SORCS1: variants seen among roughly 807,000 people sequenced by gnomAD.
SORCS1 encodes the protein sortilin related VPS10 domain containing receptor 1.
Under a neutral mutation model 146.1 loss-of-function variants are expected in SORCS1, and 60 were observed. That is an observed-to-expected ratio of 0.41 (90% confidence interval 0.33 to 0.51). SORCS1 has a LOEUF of 0.51. Among genes scored for constraint, SORCS1 ranks in the 20% least tolerant of loss-of-function variants. SORCS1 has a pLI of 0.21. For synonymous variants in SORCS1, 637 were observed against 584.0 expected (o/e 1.09, Z -1.31); for missense variants, 1,352 against 1,487.6 (o/e 0.91, Z 1.50).
chr10:106,951,837 T>C (rs1410688600), intron 2 of SORCS1, among the ~76,000 whole-genome samples: 22 of 152,136 alleles, frequency 1.4e-4, no homozygotes, highest in Admixed American at 1.4e-3. Context: ...ATTTTTGGCA[T>C]AGGCAGGTTT....
chr10:106,931,238 G>A (rs1202219966), intron 2 of SORCS1, among the ~76,000 whole-genome samples: 6 of 152,082 alleles, frequency 3.9e-5, no homozygotes, highest in East Asian at 1.9e-4. Context: ...ATACTTTTTT[G>A]GCTGTTAATT....
At chr10:106,583,504 CGTTTT>C (rs200947485) in intron 24 of SORCS1, among the ~76,000 whole-genome samples, 2,886 of 152,048 alleles carry the variant, frequency 0.019, 38 homozygotes, top group Middle Eastern at 0.048. Flanking sequence ...GCAGTTTTTT[CGTTTT>C]GTTTTGTTTT....
intron 6 of SORCS1, among the ~76,000 whole-genome samples, chr10:106,716,625 T>C (rs1481467178): frequency 3.3e-5 from 5 of 152,204 alleles, no homozygotes; most frequent in Non-Finnish European, 5.9e-5. Context: ...TCTGCTGGCT[T>C]GAACAGCCTT....
chr10:106,720,973 C>G (rs1855740158), intron 6 of SORCS1, among the ~76,000 whole-genome samples: 1 of 151,816 alleles, frequency 6.6e-6, no homozygotes, highest in Non-Finnish European at 1.5e-5. Flanking sequence ...GTTGTTAGGG[C>G]TGTCTTCAGG....
intron 1 of SORCS1, among the ~76,000 whole-genome samples, chr10:107,126,043 T>C (rs775857889): frequency 2.0e-5 from 3 of 152,206 alleles, no homozygotes; most frequent in Non-Finnish European, 4.4e-5. Context: ...TAAATACTTA[T>C]TTAAGGTCAA....
intron 1 of SORCS1, among the ~76,000 whole-genome samples, chr10:106,965,844 A>G (rs1955468930): frequency 6.6e-6 from 1 of 152,224 alleles, no homozygotes; most frequent in Admixed American, 6.5e-5. Context: ...GGTACTAGTC[A>G]CAAACCCTTC....
At chr10:106,686,202 T>C (rs1332972245) in intron 10 of SORCS1, among the ~76,000 whole-genome samples, 1 of 152,176 alleles carries the variant, frequency 6.6e-6, no homozygotes, top group Non-Finnish European at 1.5e-5. Flanking sequence ...GTGGATCAGG[T>C]GAGCAACAAT....
At chr10:107,100,643 G>A (rs1304672886) in intron 1 of SORCS1, among the ~76,000 whole-genome samples, 1 of 152,182 alleles carries the variant, frequency 6.6e-6, no homozygotes, top group Non-Finnish European at 1.5e-5. Context: ...TGAAAATTGA[G>A]CTGAACAATT....
chr10:106,709,163 G>A, intron 7 of SORCS1, 60 bp downstream of exon 7: 1 of 1,341,938 alleles, frequency 7.5e-7, no homozygotes, highest in Non-Finnish European at 1.1e-6. Flanking sequence ...CAGGCAAAAG[G>A]GACAGAAACA....
chr10:106,632,797 A>G (rs1848512747), intron 18 of SORCS1, among the ~76,000 whole-genome samples: 1 of 152,216 alleles, frequency 6.6e-6, no homozygotes, highest in African/African-American at 2.4e-5. Context: ...CTTTTGTAAT[A>G]TGCAGGACTG....
chr10:106,785,040 C>T (rs1945991281), intron 3 of SORCS1, among the ~76,000 whole-genome samples: 1 of 152,160 alleles, frequency 6.6e-6, no homozygotes, highest in Admixed American at 6.5e-5. Flanking sequence ...GTATCATCAT[C>T]CTAATGAAGG....
chr10:106,632,523 T>C (rs920193501), intron 18 of SORCS1, among the ~76,000 whole-genome samples: 3 of 152,142 alleles, frequency 2.0e-5, no homozygotes, highest in Admixed American at 2.0e-4. Flanking sequence ...CTAATAACTA[T>C]TGAGTAGACA....
At chr10:106,924,764 A>ATTTT (rs368269912) in intron 2 of SORCS1, among the ~76,000 whole-genome samples, 1 of 99,914 alleles carries the variant, frequency 1.0e-5, no homozygotes, top group Non-Finnish European at 2.4e-5. Flanking sequence ...AACTGCATGG[A>ATTTT]TTTTTTTTTT....
chr10:107,122,101 C>T (rs896411593), intron 1 of SORCS1, among the ~76,000 whole-genome samples: 4 of 152,132 alleles, frequency 2.6e-5, no homozygotes, highest in Non-Finnish European at 4.4e-5. Flanking sequence ...GCTCCGGAGA[C>T]TGGTTTTGGC....
At chr10:106,926,691 C>A (rs922961706) in intron 2 of SORCS1, among the ~76,000 whole-genome samples, 1 of 151,920 alleles carries the variant, frequency 6.6e-6, no homozygotes, top group Non-Finnish European at 1.5e-5. Flanking sequence ...ACAAATATAG[C>A]AGGTTTTTAC....
intron 1 of SORCS1, among the ~76,000 whole-genome samples, chr10:107,006,743 G>T (rs1397856598): frequency 3.3e-5 from 5 of 152,224 alleles, no homozygotes; most frequent in African/African-American, 9.6e-5. Flanking sequence ...CGTGAACCTG[G>T]GAGGCGGAGC....
At chr10:106,698,153 A>G (rs1376246458) in intron 9 of SORCS1, among the ~76,000 whole-genome samples, 1 of 152,246 alleles carries the variant, frequency 6.6e-6, no homozygotes, top group African/African-American at 2.4e-5. Flanking sequence ...TAGATACTAG[A>G]AGAAAATCAC....
In SORCS1 at chr10:107,134,835, C is replaced by T. The variant is rs11193210; in HGVS notation, c.558+29134G>A. 3.5e-3 allele frequency among the ~76,000 whole-genome samples: 530 copies of T among 152,252 alleles called. 3 individuals carry two copies. The highest frequency in any genetic ancestry group is 0.012 in the African/African-American group (485 of 41,536). On this transcript the variant is annotated intron_variant, in intron 1 of 25. Transcript: ENST00000263054. ...ATGCATCTTTCAAAAACTTAACTCT[C>T]GTTGCTCAGATGATGTCCTGGGCCC... is the stretch of plus-strand genomic sequence containing the variant.
chr10:106,721,480 CAAAT>C (rs2135941655), intron 6 of SORCS1, among the ~76,000 whole-genome samples: 1 of 152,138 alleles, frequency 6.6e-6, no homozygotes, highest in Admixed American at 6.5e-5. Context: ...TGACGAAAAA[CAAAT>C]AAAAATTCTC....
Sources: gnomAD v4.1 joint callset for allele counts (sites outside exome capture counted in the v4.1 genomes callset) on GRCh38, gnomAD v4.1.1 for gene constraint, MANE v1.5 for transcripts, NCBI Gene and HGNC (gene_info 2026-07-23, HGNC 2026-07-21) for gene names.